Variants in CLSTN2 observed in about 807,000 individuals in gnomAD.
CLSTN2 encodes the protein calsyntenin 2.
Under a neutral mutation model 101.2 loss-of-function variants are expected in CLSTN2, and 48 were observed. That is an observed-to-expected ratio of 0.47 (90% CI 0.38 to 0.60). The LOEUF is 0.60. Ranked by LOEUF, CLSTN2 falls within the 20% of genes least tolerant of loss-of-function variation. The pLI, the probability that CLSTN2 is intolerant of heterozygous loss-of-function variation, is 0.00. For missense variants in CLSTN2, 1,160 were observed against 1,238.2 expected (o/e 0.94, Z 0.95); for synonymous variants, 481 against 463.6 (o/e 1.04, Z -0.48).
At chr3:140,440,347 A>G (rs1184988098) in intron 5 of CLSTN2, among the ~76,000 whole-genome samples, 1 of 152,216 alleles carries the variant, frequency 6.6e-6, no homozygotes, top group Non-Finnish European at 1.5e-5. Flanking sequence ...GTAATAAAAT[A>G]CTCTTGTGAA....
intron 1 of CLSTN2, among the ~76,000 whole-genome samples, chr3:140,081,715 A>G (rs1235091067): frequency 1.3e-5 from 2 of 151,638 alleles, no homozygotes; most frequent in Non-Finnish European, 2.9e-5. Context: ...CCTTCTGCAC[A>G]CCGCAAAGCC....
In CLSTN2 at chr3:140,566,600, G is replaced by A. The variant is rs145840986; in HGVS notation, c.*347G>A. Reference sequence around the variant, plus strand: ...CACCTTTGTGTCACTCACCTCCCCAGGCTCAGAGTCCCCAAGGCCCTGGGG... The same window carrying A: ...CACCTTTGTGTCACTCACCTCCCCAAGCTCAGAGTCCCCAAGGCCCTGGGG... On this transcript the variant is annotated 3_prime_UTR_variant, in exon 17 of 17. Transcript: ENST00000458420. The A allele has an allele frequency of 1.1e-4, 35 of 316,324 alleles. No individual in the cohort carries two copies. In the East Asian group the frequency reaches 2.3e-3, roughly 21 times the overall value. 19.6% of individuals were successfully genotyped at this position (316,324 alleles called of 1,614,324 possible).
intron 4 of CLSTN2, among the ~76,000 whole-genome samples, chr3:140,415,339 C>T (rs1021297392): frequency 6.6e-6 from 1 of 151,730 alleles, no homozygotes; most frequent in African/African-American, 2.4e-5. Flanking sequence ...AAATGAGTGG[C>T]ACAATATCAA....
chr3:140,349,050 C>T (rs1198062800), intron 2 of CLSTN2, among the ~76,000 whole-genome samples: 2 of 152,190 alleles, frequency 1.3e-5, no homozygotes, highest in East Asian at 1.9e-4. Flanking sequence ...GTGATTAGAT[C>T]GTGGGGGTGG....
intron 2 of CLSTN2, among the ~76,000 whole-genome samples, chr3:140,332,151 A>T (rs982045779): frequency 6.6e-6 from 1 of 152,186 alleles, no homozygotes; most frequent in African/African-American, 2.4e-5. Flanking sequence ...TTGTGGAGGC[A>T]GTGACAGATG....
rs548663756 is a variant in CLSTN2 at position 139,956,360 on chromosome 3, A to G, written c.109+20877A>G. Among the ~76,000 whole-genome samples, 154 of 152,258 alleles carry G rather than the reference A, an allele frequency of 1.0e-3. 1 individual carries two copies. Among genetic ancestry groups the G allele is most frequent in the African/African-American group, 3.6e-3 (148 of 41,538 alleles). On this transcript the variant is annotated intron_variant, in intron 1 of 16. Transcript: ENST00000458420. Reference sequence around the variant, plus strand: ...ATTCTCCTCCTCTGCAGATGTGAGTACCTCAGAAGAGAAGACTAGGGCTTG... The same window carrying G: ...ATTCTCCTCCTCTGCAGATGTGAGTGCCTCAGAAGAGAAGACTAGGGCTTG...
chr3:140,201,515 A>G (rs1269128428), intron 2 of CLSTN2, among the ~76,000 whole-genome samples: 1 of 152,170 alleles, frequency 6.6e-6, no homozygotes, highest in Non-Finnish European at 1.5e-5. Flanking sequence ...GAATGGCATG[A>G]TTGGAATAGA....
At chr3:140,049,134 G>A (rs546583519) in intron 1 of CLSTN2, among the ~76,000 whole-genome samples, 15 of 152,278 alleles carry the variant, frequency 9.9e-5, no homozygotes, top group South Asian at 2.1e-4. Context: ...AGGCACAGAC[G>A]GCATCTCCAT....
chr3:140,159,166 A>G (rs2010005830), intron 1 of CLSTN2, among the ~76,000 whole-genome samples: 3 of 152,298 alleles, frequency 2.0e-5, no homozygotes, highest in African/African-American at 7.2e-5. Context: ...CAATAAAAAT[A>G]AAAATTGACA....
chr3:140,131,060 G>A (rs1412728396), intron 1 of CLSTN2, among the ~76,000 whole-genome samples: 1 of 151,880 alleles, frequency 6.6e-6, no homozygotes, highest in Non-Finnish European at 1.5e-5. Context: ...TCCTTCAATG[G>A]CCTTCAGAAA....
chr3:140,357,499 G>T (rs181233930), intron 2 of CLSTN2, among the ~76,000 whole-genome samples: 25 of 152,128 alleles, frequency 1.6e-4, no homozygotes. Flanking sequence ...GCGCAGATGT[G>T]GGGTGGGGAC....
intron 8 of CLSTN2, among the ~76,000 whole-genome samples, chr3:140,513,741 T>G (rs1934863004): frequency 6.6e-6 from 1 of 152,122 alleles, no homozygotes; most frequent in African/African-American, 2.4e-5. Context: ...TCTGGTAGAA[T>G]TTAGATGTAA....
intron 1 of CLSTN2, among the ~76,000 whole-genome samples, chr3:140,166,125 A>G (rs1026905388): frequency 2.0e-5 from 3 of 152,180 alleles, no homozygotes; most frequent in African/African-American, 7.2e-5. Context: ...TTGAGTGCTG[A>G]TTGCATGAAT....
At chr3:139,968,784 A>G (rs967598728) in intron 1 of CLSTN2, among the ~76,000 whole-genome samples, 1 of 152,224 alleles carries the variant, frequency 6.6e-6, no homozygotes, top group Non-Finnish European at 1.5e-5. Flanking sequence ...AAAAACTATA[A>G]AAAAGAAATT....
At position 140,421,346 on chromosome 3, in the gene CLSTN2, A is replaced by C. The variant is rs1427327161; in HGVS notation, c.787+72A>C. The C allele has an allele frequency of 6.5e-6, 10 of 1,547,586 alleles. No homozygotes were observed. In the East Asian group the frequency reaches 6.8e-5, roughly 10 times the overall value. ...TATAGAAGGTGGTGTACTTGTCCTC[A>C]AATCATCACAACACATAACTTTTTA... On this transcript the variant is annotated intron_variant, in intron 5 of 16. Coordinates refer to ENST00000458420, the MANE Select transcript of CLSTN2 (RefSeq NM_022131.3).
chr3:140,022,175 C>T lies in CLSTN2; in HGVS notation c.109+86692C>T, dbSNP rs143676974. Among the ~76,000 whole-genome samples the T allele has an allele frequency of 1.2e-4, 18 of 152,322 alleles. No individual in the cohort carries two copies. In the East Asian group the frequency reaches 2.1e-3, roughly 18 times the overall value. On this transcript the variant is annotated intron_variant, in intron 1 of 16. Transcript: ENST00000458420. ...GGCTCTGAAGGAGATGAGAGAAGCACAGAAGTGCTGGGGGCCTCAGCTGCT... is the reference window on the plus strand; with the variant it reads ...GGCTCTGAAGGAGATGAGAGAAGCATAGAAGTGCTGGGGGCCTCAGCTGCT...
intron 1 of CLSTN2, among the ~76,000 whole-genome samples, chr3:140,162,277 G>A (rs1035022055): frequency 4.6e-5 from 7 of 152,162 alleles, no homozygotes; most frequent in African/African-American, 1.7e-4. Context: ...CTGGGTTAGG[G>A]ATATAGACAT....
intron 2 of CLSTN2, among the ~76,000 whole-genome samples, chr3:140,287,760 C>G (rs1055232183): frequency 1.3e-5 from 2 of 152,138 alleles, no homozygotes; most frequent in African/African-American, 4.8e-5. Flanking sequence ...TATTCAGTGA[C>G]TTACCCAGGG....
At chr3:140,543,335 T>C (rs58873334) in intron 9 of CLSTN2, among the ~76,000 whole-genome samples, 5,691 of 152,052 alleles carry the variant, frequency 0.037, 378 homozygotes, top group African/African-American at 0.13. Flanking sequence ...ATGCATGGGG[T>C]CACTGAAGAT....
Sources: allele counts gnomAD v4.1 joint callset (sites outside exome capture counted in the v4.1 genomes callset), GRCh38; gene constraint gnomAD v4.1.1; transcripts MANE v1.5; gene names NCBI Gene and HGNC (gene_info 2026-07-23, HGNC 2026-07-21).